Variants in ARMC2 observed in about 807,000 individuals in gnomAD.
ARMC2 encodes the protein armadillo repeat-containing protein 2.
In ARMC2, 67 loss-of-function variants were observed where a neutral mutation model predicts 90.3. That is an observed-to-expected ratio of 0.74 (90% CI 0.61 to 0.91). The LOEUF (loss-of-function observed/expected upper bound fraction) is 0.91. ARMC2 is among the 40% of genes least tolerant of loss of function. ARMC2 has a pLI of 0.00. For synonymous variants in ARMC2, 393 were observed against 393.0 expected (o/e 1.00, Z 0.00); for missense variants, 920 against 1,030.9 (o/e 0.89, Z 1.47).
At chr6:109,035,950 T>A in the ARMC2 span, among the ~76,000 whole-genome samples, 1 of 152,178 alleles carries the variant, frequency 6.6e-6, no homozygotes, top group African/African-American at 2.4e-5. Context: ...ACTAAACTTC[T>A]GTAACTCCCA....
chr6:108,973,569 A>G lies in ARMC2; in HGVS notation c.*55A>G, dbSNP rs1436378852. 6.8e-7 allele frequency: 1 copy of G among 1,480,152 alleles called. No individual in the cohort carries two copies. The highest frequency in any genetic ancestry group is 1.4e-5 in the African/African-American group (1 of 71,494). 91.7% of individuals were successfully genotyped at this position (1,480,152 alleles called of 1,614,324 possible). A position where few individuals can be genotyped will look rare whatever the true frequency, so the allele number is the denominator to read the frequency against. ...ACTCACGTCTCCCTCATTCTTAAGA[A>G]CTGGTAACAAACGTGAACATTTTTT... On this transcript the variant is annotated 3_prime_UTR_variant, in exon 18 of 18. Transcript: ENST00000392644.
downstream of ARMC2, among the ~76,000 whole-genome samples, chr6:108,978,468 T>A (rs1236005183): frequency 6.6e-6 from 1 of 152,204 alleles, no homozygotes; most frequent in South Asian, 2.1e-4. Context: ...GAATGTATAT[T>A]CTGTTGATTT....
chr6:108,932,483 T>G (rs1775632262), intron 11 of ARMC2, among the ~76,000 whole-genome samples: 1 of 150,866 alleles, frequency 6.6e-6, no homozygotes, highest in Admixed American at 6.6e-5. Context: ...TACCCCGTGA[T>G]TATTTATTAA....
At chr6:108,873,295 A>G (rs916664589) in intron 4 of ARMC2, among the ~76,000 whole-genome samples, 1 of 152,080 alleles carries the variant, frequency 6.6e-6, no homozygotes, top group Non-Finnish European at 1.5e-5. Context: ...CTATACGAAA[A>G]TGAGATAGGG....
intron 1 of ARMC2, 25 bp from the exon 2 acceptor site, chr6:108,854,200 T>C: frequency 8.0e-7 from 1 of 1,243,404 alleles, no homozygotes; most frequent in Admixed American, 2.2e-5. Context: ...AAAATAATGA[T>C]GGTTTTTGTA....
At chr6:108,998,345 T>A in the ARMC2 span, 1 of 671,004 alleles carries the variant, frequency 1.5e-6, no homozygotes, top group Non-Finnish European at 2.5e-6. Flanking sequence ...AGACTAGTGA[T>A]GAGCATGTGA....
chr6:108,911,554 A>G (rs1773429578), intron 9 of ARMC2, among the ~76,000 whole-genome samples: 1 of 152,164 alleles, frequency 6.6e-6, no homozygotes, highest in Non-Finnish European at 1.5e-5. Context: ...AGAAAATACA[A>G]AGTATTTTCC....
At chr6:108,961,952 C>G in intron 14 of ARMC2, 62 bp from the exon 15 acceptor site, 1 of 1,220,880 alleles carries the variant, frequency 8.2e-7, no homozygotes, top group Non-Finnish European at 1.2e-6. Context: ...ATGTTGATTT[C>G]CATTAACCTT....
At chr6:109,015,550 T>G in the ARMC2 span, among the ~76,000 whole-genome samples, 1 of 152,122 alleles carries the variant, frequency 6.6e-6, no homozygotes, top group Non-Finnish European at 1.5e-5. Context: ...ATATAAAAAT[T>G]AAGTGGGAGA....
At chr6:108,946,353 T>C (rs1160803884) in intron 12 of ARMC2, among the ~76,000 whole-genome samples, 1 of 152,220 alleles carries the variant, frequency 6.6e-6, no homozygotes, top group African/African-American at 2.4e-5. Context: ...TTAAAATGAT[T>C]TTCTACTTAG....
At chr6:109,052,182 T>C in the ARMC2 span, among the ~76,000 whole-genome samples, 6 of 152,368 alleles carry the variant, frequency 3.9e-5, no homozygotes, top group Middle Eastern at 3.4e-3. Flanking sequence ...TATTTTATTA[T>C]AATCTCATCC....
At chr6:108,867,468 A>C (rs1023743545) in intron 3 of ARMC2, among the ~76,000 whole-genome samples, 2 of 152,166 alleles carry the variant, frequency 1.3e-5, no homozygotes, top group African/African-American at 2.4e-5. Flanking sequence ...CTGAGATGTA[A>C]AAAATAAAAC....
At chr6:108,930,592 C>CT (rs144870507) in intron 11 of ARMC2, among the ~76,000 whole-genome samples, 1,492 of 93,756 alleles carry the variant, frequency 0.016, 35 homozygotes, top group South Asian at 0.041. Context: ...TGCCCTGAAT[C>CT]TTTTTTTTTT....
chr6:108,952,019 T>C (rs1457227955), intron 12 of ARMC2, among the ~76,000 whole-genome samples: 2 of 152,254 alleles, frequency 1.3e-5, no homozygotes, highest in East Asian at 3.8e-4. Context: ...TCACCAGCCA[T>C]GTGACCTGGG....
intron 10 of ARMC2, among the ~76,000 whole-genome samples, chr6:108,926,238 G>T (rs1775092944): frequency 6.6e-6 from 1 of 152,180 alleles, no homozygotes; most frequent in Non-Finnish European, 1.5e-5. Context: ...CTGCATGGGA[G>T]TTACACAGGC....
chr6:109,007,449 ATTT>A, the ARMC2 span, among the ~76,000 whole-genome samples: 1 of 152,200 alleles, frequency 6.6e-6, no homozygotes, highest in Admixed American at 6.5e-5. Context: ...AATTTGAATC[ATTT>A]TGTTTTCCTC....
chr6:109,027,673 T>C, the ARMC2 span, among the ~76,000 whole-genome samples: 1 of 152,070 alleles, frequency 6.6e-6, no homozygotes, highest in Non-Finnish European at 1.5e-5. Flanking sequence ...GTTACTGGTA[T>C]GTAGCAGGGA....
At chr6:108,934,029 T>C (rs1775780394) in intron 11 of ARMC2, among the ~76,000 whole-genome samples, 1 of 152,084 alleles carries the variant, frequency 6.6e-6, no homozygotes, top group African/African-American at 2.4e-5. Context: ...ACCCAGCTAA[T>C]TTTTGTATTT....
At chr6:108,935,318 C>T (rs1775868405) in intron 11 of ARMC2, among the ~76,000 whole-genome samples, 1 of 152,166 alleles carries the variant, frequency 6.6e-6, no homozygotes, top group Non-Finnish European at 1.5e-5. Flanking sequence ...CTTCAACTCT[C>T]TGTGAATATA....
Sources: allele counts gnomAD v4.1 joint callset (sites outside exome capture counted in the v4.1 genomes callset), GRCh38; gene constraint gnomAD v4.1.1; transcripts MANE v1.5; gene names NCBI Gene and HGNC (gene_info 2026-07-23, HGNC 2026-07-21).